TBC1D12: variants seen among roughly 807,000 people sequenced by gnomAD.
TBC1D12 encodes TBC1 domain family member 12.
Under a neutral mutation model 86.7 loss-of-function variants are expected in TBC1D12, and 56 were observed. That is an observed-to-expected ratio of 0.65 (90% CI 0.52 to 0.81). The LOEUF (loss-of-function observed/expected upper bound fraction) is 0.81, where lower values mean the gene tolerates loss of function less well. Among genes scored for constraint, TBC1D12 ranks in the 30% least tolerant of loss-of-function variants. The probability of loss-of-function intolerance (pLI) is 0.00; values close to 1 mark genes in which losing one functional copy is unlikely to be tolerated. For missense variants in TBC1D12, 1,023 were observed against 1,038.8 expected, an observed-to-expected ratio of 0.98 and a Z score of 0.21; for synonymous variants, 421 against 411.7, an observed-to-expected ratio of 1.02 and a Z score of -0.27.
At chr10:94,425,000 C>G (rs1363706433) in intron 1 of TBC1D12, among the ~76,000 whole-genome samples, 12 of 152,132 alleles carry the variant, frequency 7.9e-5, no homozygotes, top group Non-Finnish European at 5.9e-5. Flanking sequence ...AGGTGTAGAA[C>G]TGGAAACTGT....
intron 3 of TBC1D12, among the ~76,000 whole-genome samples, chr10:94,491,004 G>A (rs1419734955): frequency 6.6e-6 from 1 of 151,780 alleles, no homozygotes; most frequent in Non-Finnish European, 1.5e-5. Context: ...AGCTGTCTTG[G>A]ACTCTCCAAC....
intron 11 of TBC1D12, among the ~76,000 whole-genome samples, chr10:94,528,846 A>G (rs1842359611): frequency 4.2e-5 from 1 of 23,910 alleles, no homozygotes; most frequent in Non-Finnish European, 7.4e-5. Flanking sequence ...AAGAATTCAC[A>G]TGATAATTTG....
intron 12 of TBC1D12, 120 bp from the exon 13 acceptor site, chr10:94,532,908 T>C (rs893483484): frequency 1.8e-6 from 1 of 551,170 alleles, no homozygotes. Flanking sequence ...AATGACACAC[T>C]TTCGGGGACA....
chr10:94,473,738 G>A (rs1339514052), intron 2 of TBC1D12, among the ~76,000 whole-genome samples: 1 of 152,142 alleles, frequency 6.6e-6, no homozygotes, highest in Non-Finnish European at 1.5e-5. Flanking sequence ...ACTGAAGCTT[G>A]CAAGCTGGTA....
intron 1 of TBC1D12, among the ~76,000 whole-genome samples, chr10:94,406,807 C>T (rs1307224522): frequency 3.3e-5 from 5 of 152,210 alleles, no homozygotes; most frequent in Non-Finnish European, 5.9e-5. Flanking sequence ...CCCTTACTCC[C>T]ACTTCATTTT....
chr10:94,446,233 C>T (rs946068613), intron 2 of TBC1D12, among the ~76,000 whole-genome samples: 3 of 152,086 alleles, frequency 2.0e-5, no homozygotes, highest in Admixed American at 1.3e-4. Flanking sequence ...GTTCCTTTAC[C>T]ATGTATGCTT....
rs146511316 is a variant in TBC1D12 at position 94,412,262 on chromosome 10, A to T, written c.971+8678A>T. ...TATGTGGCATATAGTGAAGATTCAA[A>T]TGTTATTATTCAGACAGTAGCAAGA... On this transcript the variant is annotated intron_variant, in intron 1 of 12. Coordinates refer to ENST00000225235, the MANE Select transcript of TBC1D12 (RefSeq NM_015188.2). Among the ~76,000 whole-genome samples the T allele has an allele frequency of 3.0e-3, 455 of 152,342 alleles. 3 individuals are homozygous for T. The highest frequency in any genetic ancestry group is 0.01 in the African/African-American group (430 of 41,574).
At chr10:94,491,916 G>GA (rs927414937) in intron 3 of TBC1D12, among the ~76,000 whole-genome samples, 3 of 107,804 alleles carry the variant, frequency 2.8e-5, no homozygotes, top group Non-Finnish European at 6.6e-5. Context: ...AAATTAATAA[G>GA]AAAAAAAAAT....
chr10:94,463,146 G>A (rs1027275042), intron 2 of TBC1D12, among the ~76,000 whole-genome samples: 3 of 151,944 alleles, frequency 2.0e-5, no homozygotes, highest in Non-Finnish European at 2.9e-5. Context: ...ATTATGTAGA[G>A]GTATGTTATT....
rs900488292 is a variant in TBC1D12 at position 94,403,457 on chromosome 10, G to A, written c.844G>A (p.Gly282Ser). ...TCGCAACACGTTCCAGGTGAGCCGC[G>A]GTCAGAGCGCCCGCGATCACCTGCC... ...NSRNTFQVSR[G>S]QSARDHLPPA... The change falls in exon 1 of 13, where the codon GGT (glycine) becomes AGT (serine). Residue 282 changes from glycine to serine, a missense_variant. Physicochemically the swap from Gly to Ser is moderately conservative, Grantham distance 56 (BLOSUM62 0). Around this residue, in one of 2 missense-constraint regions of TBC1D12, gnomAD observed 628 missense variants for 531.1 expected, o/e 1.18. Coordinates refer to ENST00000225235, the MANE Select transcript of TBC1D12 (RefSeq NM_015188.2). 58 of 1,544,018 alleles carry A rather than the reference G, an allele frequency of 3.8e-5. No homozygotes were observed. The highest frequency in any genetic ancestry group is 4.9e-5 in the Non-Finnish European group (56 of 1,145,380).
chr10:94,497,028 G>A (rs535661307), intron 4 of TBC1D12, 27 bp from the exon 5 acceptor site: 173 of 1,393,208 alleles, frequency 1.2e-4, no homozygotes, highest in Non-Finnish European at 1.3e-4. Context: ...TATTTGTATT[G>A]AAATAATTTT....
At chr10:94,467,765 T>C (rs1184939490) in intron 2 of TBC1D12, among the ~76,000 whole-genome samples, 1 of 152,208 alleles carries the variant, frequency 6.6e-6, no homozygotes, top group Non-Finnish European at 1.5e-5. Context: ...AGGGTCTCTA[T>C]TGCCCAGGTT....
Position 94,514,053 on chromosome 10 carries a change from A to C in TBC1D12, c.1761+2399A>C, listed in dbSNP as rs367959377. Among the ~76,000 whole-genome samples the C allele has an allele frequency of 6.1e-3, 921 of 150,944 alleles. 4 individuals are homozygous for C. Among genetic ancestry groups the C allele is most frequent in the Middle Eastern group, 0.017 (5 of 292 alleles). ...GTAATAAATCTCAAAAAAAAAACAA[A>C]AAAAAAAAAACAGGCCAGGCATGGT... On this transcript the variant is annotated intron_variant, in intron 9 of 12. Transcript: ENST00000225235.
chr10:94,415,515 C>T (rs941723892), intron 1 of TBC1D12, among the ~76,000 whole-genome samples: 4 of 152,252 alleles, frequency 2.6e-5, no homozygotes, highest in Non-Finnish European at 1.5e-5. Context: ...AGGCGGATCA[C>T]GAGGTCAGGA....
intron 3 of TBC1D12, among the ~76,000 whole-genome samples, chr10:94,475,522 C>T (rs1402107296): frequency 6.6e-6 from 1 of 152,170 alleles, no homozygotes; most frequent in Non-Finnish European, 1.5e-5. Flanking sequence ...CTTCCACTTC[C>T]TGGGTTCAAA....
rs182281396 is a variant in TBC1D12 at position 94,459,208 on chromosome 10, A to G, written c.1096-15460A>G. Reference sequence around the variant, plus strand: ...CAGAGTGCTGATTGGTGCATTTACAATCCTTTAGCTAGACACAAAAGTTCG... The same window carrying G: ...CAGAGTGCTGATTGGTGCATTTACAGTCCTTTAGCTAGACACAAAAGTTCG... On this transcript the variant is annotated intron_variant, in intron 2 of 12. Coordinates refer to ENST00000225235, the MANE Select transcript of TBC1D12 (RefSeq NM_015188.2). Among the ~76,000 whole-genome samples the G allele has an allele frequency of 3.2e-3, 486 of 152,188 alleles. 2 individuals are homozygous for G. The highest frequency in any genetic ancestry group is 0.011 in the African/African-American group (469 of 41,518).
intron 3 of TBC1D12, among the ~76,000 whole-genome samples, chr10:94,485,665 G>A (rs2056150517): frequency 1.3e-5 from 2 of 150,586 alleles, no homozygotes; most frequent in African/African-American, 4.9e-5. Flanking sequence ...GAGTAGGATT[G>A]TTGTCAGTTC....
intron 2 of TBC1D12, among the ~76,000 whole-genome samples, chr10:94,473,415 A>G (rs1029339907): frequency 1.2e-4 from 19 of 152,076 alleles, no homozygotes; most frequent in Non-Finnish European, 1.0e-4. Context: ...TTTAAGAGGT[A>G]TGGAACTATC....
At chr10:94,482,573 C>T (rs1301753915) in intron 3 of TBC1D12, among the ~76,000 whole-genome samples, 4 of 151,948 alleles carry the variant, frequency 2.6e-5, no homozygotes. Flanking sequence ...GCCTCAGCCT[C>T]CCGAGTAGCT....
Sources: gnomAD v4.1 joint callset for allele counts (sites outside exome capture counted in the v4.1 genomes callset) on GRCh38, gnomAD v4.1.1 for gene constraint, gnomAD v4.1.1 regional missense constraint, MANE v1.5 for transcripts, NCBI Gene and HGNC (gene_info 2026-07-23, HGNC 2026-07-21) for gene names.